The following SUGCT variants were observed in gnomAD, a reference collection of about 807,000 sequenced individuals.
SUGCT encodes the protein succinyl-CoA:glutarate-CoA transferase.
A neutral mutation model predicts 55.0 loss-of-function variants in SUGCT; 41 were observed. The observed-to-expected ratio is 0.74, with a 90% CI of 0.58 to 0.97. SUGCT has a LOEUF of 0.97. Among genes scored for constraint, SUGCT ranks in the 50% least tolerant of loss-of-function variants. SUGCT has a pLI of 0.00. For synonymous variants in SUGCT, 187 were observed against 200.4 expected (o/e 0.93, Z 0.56); for missense variants, 568 against 547.8 (o/e 1.04, Z -0.37).
At chr7:40,863,113 G>A (rs1794524190), downstream of SUGCT, among the ~76,000 whole-genome samples, 1 of 152,102 alleles carries the variant, frequency 6.6e-6, no homozygotes, top group Non-Finnish European at 1.5e-5. Flanking sequence ...GTGGGTGCCT[G>A]CCTTCCCAGC....
chr7:41,006,540 C>G, the SUGCT span, among the ~76,000 whole-genome samples: 1 of 152,102 alleles, frequency 6.6e-6, no homozygotes, highest in East Asian at 1.9e-4. Flanking sequence ...CTTGACTTTC[C>G]ACCCTTCCCT....
At chr7:40,902,074 A>T in the SUGCT span, among the ~76,000 whole-genome samples, 1 of 152,154 alleles carries the variant, frequency 6.6e-6, no homozygotes, top group African/African-American at 2.4e-5. Context: ...CTCACCTTCA[A>T]CTTTAACAGC....
At chr7:40,301,850 A>G (rs778759679) in intron 8 of SUGCT, among the ~76,000 whole-genome samples, 1 of 152,184 alleles carries the variant, frequency 6.6e-6, no homozygotes. Context: ...TGAGCTTGTG[A>G]TATGTGGGGT....
intron 12 of SUGCT, among the ~76,000 whole-genome samples, chr7:40,634,964 C>G (rs766864964): frequency 3.3e-5 from 5 of 152,070 alleles, no homozygotes; most frequent in Non-Finnish European, 4.4e-5. Flanking sequence ...AATAATAGAT[C>G]GAACGCAGTT....
At chr7:40,730,437 G>C (rs1786835837) in intron 12 of SUGCT, among the ~76,000 whole-genome samples, 1 of 152,110 alleles carries the variant, frequency 6.6e-6, no homozygotes, top group Non-Finnish European at 1.5e-5. Context: ...AAATAATAAT[G>C]ATATATATTT....
intron 8 of SUGCT, among the ~76,000 whole-genome samples, chr7:40,314,281 A>G (rs927185748): frequency 4.6e-5 from 7 of 152,168 alleles, no homozygotes; most frequent in African/African-American, 1.7e-4. Context: ...GCCCTTGATG[A>G]TGTTGGTCTA....
intron 12 of SUGCT, among the ~76,000 whole-genome samples, chr7:40,636,833 C>CCAAAATCATT (rs1800042556): frequency 6.6e-6 from 1 of 151,876 alleles, no homozygotes; most frequent in Non-Finnish European, 1.5e-5. Flanking sequence ...ATTAATCATG[C>CCAAAATCATT]CTATTTTGGT....
chr7:40,629,975 C>G (rs952862275), intron 12 of SUGCT, among the ~76,000 whole-genome samples: 11 of 152,118 alleles, frequency 7.2e-5, no homozygotes, highest in Non-Finnish European at 1.5e-4. Context: ...AAATAAAAGC[C>G]TAGCACTTCA....
At chr7:40,391,546 C>G (rs552394040) in intron 9 of SUGCT, among the ~76,000 whole-genome samples, 1 of 152,208 alleles carries the variant, frequency 6.6e-6, no homozygotes, top group East Asian at 1.9e-4. Context: ...CTCAGCATCA[C>G]TGGTCATCAG....
At chr7:40,241,442 C>T (rs577145990) in intron 7 of SUGCT, among the ~76,000 whole-genome samples, 7 of 149,496 alleles carry the variant, frequency 4.7e-5, no homozygotes, top group African/African-American at 1.2e-4. Flanking sequence ...AGCTGGGCAT[C>T]GTGGCACATG....
At chr7:40,975,273 C>G in the SUGCT span, among the ~76,000 whole-genome samples, 2 of 152,174 alleles carry the variant, frequency 1.3e-5, no homozygotes, top group Admixed American at 6.5e-5. Flanking sequence ...GCGGAAATCT[C>G]AAGGATCATC....
chr7:40,550,970 C>T (rs1000013), intron 12 of SUGCT, among the ~76,000 whole-genome samples: 32,267 of 152,080 alleles, frequency 0.21, 6,011 homozygotes, highest in African/African-American at 0.5. Flanking sequence ...CTGTTTTCTT[C>T]TCTTTTCTCT....
At chr7:40,304,324 G>A (rs1794721169) in intron 8 of SUGCT, among the ~76,000 whole-genome samples, 1 of 151,662 alleles carries the variant, frequency 6.6e-6, no homozygotes, top group South Asian at 2.1e-4. Context: ...TATGCCTAGT[G>A]CTATCTCATG....
At chr7:40,973,142 C>G in the SUGCT span, among the ~76,000 whole-genome samples, 1 of 152,186 alleles carries the variant, frequency 6.6e-6, no homozygotes, top group Non-Finnish European at 1.5e-5. Flanking sequence ...TTAGAAACAA[C>G]ATTGCCTCTC....
At chr7:40,257,961 A>G (rs1052606217) in intron 7 of SUGCT, among the ~76,000 whole-genome samples, 1 of 152,206 alleles carries the variant, frequency 6.6e-6, no homozygotes, top group African/African-American at 2.4e-5. Context: ...ATTACTTTCA[A>G]TTGGAGGATG....
chr7:40,294,067 C>T (rs1025892468), intron 8 of SUGCT, among the ~76,000 whole-genome samples: 11 of 152,114 alleles, frequency 7.2e-5, no homozygotes, highest in Admixed American at 2.0e-4. Context: ...CCTGCCTCAG[C>T]CTCCCTAGTA....
At chr7:40,718,513 A>G (rs558714354) in intron 12 of SUGCT, among the ~76,000 whole-genome samples, 11 of 152,340 alleles carry the variant, frequency 7.2e-5, no homozygotes, top group African/African-American at 2.6e-4. Context: ...TAATTCAAAT[A>G]AAGTCATAAC....
At chr7:40,638,047 A>G (rs1800098846) in intron 12 of SUGCT, among the ~76,000 whole-genome samples, 1 of 152,186 alleles carries the variant, frequency 6.6e-6, no homozygotes, top group Non-Finnish European at 1.5e-5. Flanking sequence ...TGAACTACTT[A>G]TGATTTCAGC....
chr7:40,325,756 C>T (rs1180881121), intron 9 of SUGCT, among the ~76,000 whole-genome samples: 2 of 152,024 alleles, frequency 1.3e-5, no homozygotes, highest in Non-Finnish European at 2.9e-5. Flanking sequence ...CAGTGAGCTG[C>T]GATTGCACCA....
Sources: allele counts gnomAD v4.1 joint callset (sites outside exome capture counted in the v4.1 genomes callset), GRCh38; gene constraint gnomAD v4.1.1; transcripts MANE v1.5; gene names NCBI Gene and HGNC (gene_info 2026-07-23, HGNC 2026-07-21).